Variants in TTC39C observed in about 807,000 individuals in gnomAD.
TTC39C encodes tetratricopeptide repeat domain 39C.
TTC39C carries 33 observed loss-of-function variants against 76.3 expected under a neutral mutation model. That is an observed-to-expected ratio of 0.43 (90% confidence interval 0.33 to 0.58). The LOEUF is 0.58. Among genes scored for constraint, TTC39C ranks in the 20% least tolerant of loss-of-function variants. The pLI, the probability that TTC39C is intolerant of heterozygous loss-of-function variation, is 0.04. For synonymous variants in TTC39C, 254 were observed against 260.6 expected (o/e 0.97, Z 0.24); for missense variants, 595 against 701.4 (o/e 0.85, Z 1.71).
At chr18:24,029,355 G>A (rs567446481) in intron 1 of TTC39C, among the ~76,000 whole-genome samples, 4 of 152,292 alleles carry the variant, frequency 2.6e-5, no homozygotes, top group Admixed American at 6.5e-5. Flanking sequence ...ACCCACCTTG[G>A]CTTCTTAAAG....
At chr18:24,052,593 T>A (rs1429941394) in intron 1 of TTC39C, among the ~76,000 whole-genome samples, 1 of 152,248 alleles carries the variant, frequency 6.6e-6, no homozygotes, top group Non-Finnish European at 1.5e-5. Flanking sequence ...TTCTCTTAGA[T>A]AACTTTGGTG....
At chr18:24,006,385 C>T (rs1301881207) in intron 1 of TTC39C, 3 of 152,088 alleles carry the variant, frequency 2.0e-5, no homozygotes, top group African/African-American at 4.8e-5. Flanking sequence ...ACTACAGATG[C>T]TTTCTTTAAG....
chr18:24,009,343 C>A (rs2083378643), intron 1 of TTC39C, among the ~76,000 whole-genome samples: 1 of 152,148 alleles, frequency 6.6e-6, no homozygotes, highest in African/African-American at 2.4e-5. Flanking sequence ...CTTTCCTCTC[C>A]AGGGACTCAG....
chr18:24,127,258 A>G (rs887192702), intron 10 of TTC39C, among the ~76,000 whole-genome samples: 2 of 152,240 alleles, frequency 1.3e-5, no homozygotes, highest in Admixed American at 6.5e-5. Context: ...CACATACAGT[A>G]CAATGAAGAT....
chr18:24,020,439 C>A, intron 1 of TTC39C: 2 of 422,700 alleles, frequency 4.7e-6, no homozygotes, highest in South Asian at 9.9e-5. Flanking sequence ...ATACACAATG[C>A]GAAAGATGTG....
At chr18:24,064,119 G>A (rs1272623952) in intron 1 of TTC39C, 21 bp from the exon 2 acceptor site, 1 of 1,612,940 alleles carries the variant, frequency 6.2e-7, no homozygotes. Context: ...TTTTGTGTGT[G>A]TGTGTGTGTT....
intron 1 of TTC39C, among the ~76,000 whole-genome samples, chr18:24,024,016 A>ATTTTTTTTTTTTTT (rs1181326548): frequency 3.7e-4 from 2 of 5,472 alleles, no homozygotes; most frequent in Non-Finnish European, 6.2e-4. Context: ...ATATATATAT[A>ATTTTTTTTTTTTTT]TTTTTTTTTT....
intron 1 of TTC39C, among the ~76,000 whole-genome samples, chr18:24,060,891 G>C (rs1214708186): frequency 1.3e-5 from 2 of 152,084 alleles, no homozygotes; most frequent in African/African-American, 4.8e-5. Flanking sequence ...TTTCACAATA[G>C]GGATGTACTG....
chr18:24,125,748 T>G (rs1166320651), intron 10 of TTC39C, 198 bp downstream of exon 10: 2 of 591,106 alleles, frequency 3.4e-6, no homozygotes, highest in East Asian at 5.7e-5. Flanking sequence ...GCAGCACTGC[T>G]GTGGACAGAT....
At chr18:24,115,496 GA>G (rs761402264) in intron 7 of TTC39C, among the ~76,000 whole-genome samples, 5 of 152,202 alleles carry the variant, frequency 3.3e-5, no homozygotes, top group Non-Finnish European at 7.3e-5. Context: ...ACATAAAAAG[GA>G]ATGACAGAGG....
chr18:24,087,582 G>GTTTTTTTTTTGTTTTTTTTTTTTTTTTT (rs6146239), intron 6 of TTC39C, among the ~76,000 whole-genome samples: 1 of 124,144 alleles, frequency 8.1e-6, no homozygotes. Flanking sequence ...TTTGAGAACT[G>GTTTTTTTTTTGTTTTTTTTTTTTTTTTT]TTTTTTTTTT....
chr18:24,122,915 C>T (rs2084990268), intron 8 of TTC39C, among the ~76,000 whole-genome samples: 1 of 152,244 alleles, frequency 6.6e-6, no homozygotes, highest in South Asian at 2.1e-4. Flanking sequence ...ACCCTGACTA[C>T]TCCTATCACT....
intron 4 of TTC39C, among the ~76,000 whole-genome samples, chr18:24,070,604 G>T (rs2145741015): frequency 6.6e-6 from 1 of 152,256 alleles, no homozygotes; most frequent in South Asian, 2.1e-4. Flanking sequence ...CAGCACATTA[G>T]GAGGCTTAAG....
intron 6 of TTC39C, among the ~76,000 whole-genome samples, chr18:24,086,609 GCTGGTGAGCACAGGATC>G (rs2145768586): frequency 6.6e-6 from 1 of 152,324 alleles, no homozygotes; most frequent in African/African-American, 2.4e-5. Flanking sequence ...TTGCACCCCA[GCTGGTGAGCACAGGATC>G]CTCTTTGCCA....
intron 8 of TTC39C, among the ~76,000 whole-genome samples, chr18:24,121,548 C>T (rs925704468): frequency 8.6e-5 from 13 of 152,010 alleles, no homozygotes; most frequent in South Asian, 2.1e-4. Flanking sequence ...CATTGCACTC[C>T]GGCCTGGGCA....
rs970245009 is a variant in TTC39C, at chr18:24,133,385, G to A, written c.*811G>A. The A allele has an allele frequency of 4.6e-5, 7 of 152,140 alleles. No individual in the cohort carries two copies. Among genetic ancestry groups the A allele is most frequent in the African/African-American group, 1.2e-4 (5 of 41,432 alleles). The allele number at this position is 152,140 out of a possible 1,614,324, so 9.4% of individuals were successfully genotyped here. A position where few individuals can be genotyped will look rare whatever the true frequency, so the allele number is the denominator to read the frequency against. On this transcript the variant is annotated 3_prime_UTR_variant, in exon 14 of 14. Coordinates refer to ENST00000317571, the MANE Select transcript of TTC39C (RefSeq NM_001135993.2). ...CAAGTAAGAGCAAATATTAATAGAA[G>A]ATAATTTTACAACTAAAAGTGTGAC...
At chr18:24,089,693 G>A (rs1599314899) in intron 6 of TTC39C, among the ~76,000 whole-genome samples, 1 of 152,182 alleles carries the variant, frequency 6.6e-6, no homozygotes, top group Admixed American at 6.5e-5. Context: ...CTTATTATGT[G>A]TGCCTAAGAG....
At chr18:24,114,789 T>A (rs2084870621) in intron 7 of TTC39C, 142 bp downstream of exon 7, 3 of 595,596 alleles carry the variant, frequency 5.0e-6, no homozygotes, top group Non-Finnish European at 9.0e-6. Context: ...CCGTAGCACA[T>A]GCAATGATAC....
intron 10 of TTC39C, 144 bp from the exon 11 acceptor site, chr18:24,128,742 A>G (rs1038422054): frequency 1.6e-5 from 10 of 608,264 alleles, no homozygotes; most frequent in African/African-American, 3.8e-5. Flanking sequence ...ACAAATTAAC[A>G]TAACTTCTTT....
Sources: allele counts gnomAD v4.1 joint callset (sites outside exome capture counted in the v4.1 genomes callset), GRCh38; gene constraint gnomAD v4.1.1; transcripts MANE v1.5; gene names NCBI Gene and HGNC (gene_info 2026-07-23, HGNC 2026-07-21).